FOXN3: variants seen among roughly 807,000 people sequenced by gnomAD.
FOXN3 encodes the protein forkhead box protein N3.
A neutral mutation model predicts 38.4 loss-of-function variants in FOXN3; 7 were observed. The observed-to-expected ratio is 0.18, with a 90% CI of 0.10 to 0.34. FOXN3 has a LOEUF of 0.34. Among genes scored for constraint, FOXN3 ranks in the 10% least tolerant of loss-of-function variants. The probability of loss-of-function intolerance (pLI) is 1.00; values close to 1 mark genes in which losing one functional copy is unlikely to be tolerated. For synonymous variants in FOXN3, 230 were observed against 242.2 expected, an observed-to-expected ratio of 0.95 and a Z score of 0.47; for missense variants, 456 against 613.4, an observed-to-expected ratio of 0.74 and a Z score of 2.71.
At chr14:89,391,920 T>C (rs1274515962) in intron 2 of FOXN3, among the ~76,000 whole-genome samples, 4 of 152,040 alleles carry the variant, frequency 2.6e-5, no homozygotes, top group Non-Finnish European at 5.9e-5. Flanking sequence ...GGCGGGAGAA[T>C]TGCTTGAACC....
rs1893972204 is a variant in FOXN3, at chr14:89,507,591, A to G, written c.-14-95101T>C. Reference sequence around the variant, plus strand: ...AAAGAGATCAACCCTAACTTTATTTAGGTCATGCTGCTGCCATACACAAAC... The same window carrying G: ...AAAGAGATCAACCCTAACTTTATTTGGGTCATGCTGCTGCCATACACAAAC... On this transcript the variant is annotated intron_variant, in intron 1 of 6. Transcript: ENST00000345097. Among the ~76,000 whole-genome samples, 4 of 152,214 alleles carry G rather than the reference A, an allele frequency of 2.6e-5. No homozygotes were observed. The South Asian group carries it at 8.3e-4, about 31-fold the overall frequency.
At chr14:89,177,148 C>T (rs1887543836) in intron 5 of FOXN3, among the ~76,000 whole-genome samples, 1 of 151,888 alleles carries the variant, frequency 6.6e-6, no homozygotes, top group Non-Finnish European at 1.5e-5. Context: ...GTAGCTGGGA[C>T]TGCAGGCACA....
At chr14:89,310,152 C>T (rs143845413) in intron 3 of FOXN3, among the ~76,000 whole-genome samples, 4 of 152,336 alleles carry the variant, frequency 2.6e-5, no homozygotes, top group African/African-American at 9.6e-5. Context: ...AAAATGTACA[C>T]CATCCTCTGC....
At position 89,506,689 on chromosome 14, in the gene FOXN3, G is replaced by A. The variant is rs1277427712; in HGVS notation, c.-14-94199C>T. 2.6e-5 allele frequency among the ~76,000 whole-genome samples: 4 copies of A among 152,250 alleles called. No individual in the cohort carries two copies. The East Asian group carries it at 5.8e-4, about 22-fold the overall frequency. On this transcript the variant is annotated intron_variant, in intron 1 of 6. Coordinates refer to the FOXN3 transcript ENST00000345097. ...GCGGTTTTGTGGAATAGAAAGGCGG[G>A]AAAGGTGGGGAAAAGATTGAGAAAT...
chr14:89,412,088 G>A lies in FOXN3; in HGVS notation c.389C>T (p.Ser130Phe). Residue 130 changes from serine to phenylalanine, a missense_variant, in exon 2 of 6, where the codon TCT (serine) becomes TTT (phenylalanine). Around this residue, in one of 3 missense-constraint regions of FOXN3, gnomAD observed 386 missense variants for 505.2 expected, o/e 0.76. Coordinates refer to ENST00000557258, the MANE Select transcript of FOXN3 (RefSeq NM_005197.4). The surrounding 1 kb of genome is among the most constrained non-coding windows in gnomAD (Gnocchi z 4.7). ...SCLIFMAIED[S>F]PTKRLPVKDI... ...CTTCACTGGCAGGCGCTTGGTTGGA[G>A]AGTCCTCGATGGCCATAAATATGAG... 1.9e-6 allele frequency: 3 copies of A among 1,613,298 alleles called. No individual in the cohort carries two copies. The highest frequency in any genetic ancestry group is 2.5e-6 in the Non-Finnish European group (3 of 1,179,732).
intron 4 of FOXN3, among the ~76,000 whole-genome samples, chr14:89,251,479 T>C (rs996108398): frequency 6.6e-5 from 10 of 152,226 alleles, no homozygotes; most frequent in African/African-American, 2.4e-4. Context: ...CTCAGTTAAA[T>C]GTCTATAAAC....
intron 1 of FOXN3, among the ~76,000 whole-genome samples, chr14:89,546,192 T>C (rs1224514856): frequency 1.3e-5 from 2 of 152,144 alleles, no homozygotes; most frequent in South Asian, 4.1e-4. Flanking sequence ...TTACCCTTTG[T>C]ATGGGAGTGC....
At chr14:89,322,912 C>T (rs1161867396) in intron 3 of FOXN3, among the ~76,000 whole-genome samples, 3 of 152,096 alleles carry the variant, frequency 2.0e-5, no homozygotes, top group African/African-American at 7.2e-5. Context: ...TCCCCGCTCT[C>T]AAGGAATTTA....
In FOXN3 at chr14:89,370,730, C is replaced by T. The variant is rs571705758; in HGVS notation, c.544-19922G>A. Among the ~76,000 whole-genome samples, 3 of 152,336 alleles carry T rather than the reference C, an allele frequency of 2.0e-5. No homozygotes were observed. In the East Asian group the frequency reaches 5.8e-4, roughly 29 times the overall value. ...AGTGTCATTCTTCTGGAATTATCTACACTGGATTTGTTTGGCAAAACACAC... is the reference window on the plus strand; with the variant it reads ...AGTGTCATTCTTCTGGAATTATCTATACTGGATTTGTTTGGCAAAACACAC... On this transcript the variant is annotated intron_variant, in intron 2 of 5. Coordinates refer to ENST00000557258, the MANE Select transcript of FOXN3 (RefSeq NM_005197.4).
intron 1 of FOXN3, among the ~76,000 whole-genome samples, 184 bp downstream of exon 1, chr14:89,416,687 G>A (rs1334350177): frequency 6.6e-6 from 1 of 152,104 alleles, no homozygotes; most frequent in East Asian, 2.0e-4. Flanking sequence ...AAACTCTTCG[G>A]ACCCGGCAAC....
At chr14:89,611,749 T>G (rs1215950916) in intron 1 of FOXN3, among the ~76,000 whole-genome samples, 1 of 140,162 alleles carries the variant, frequency 7.1e-6, no homozygotes, top group South Asian at 2.2e-4. Context: ...GAGCTTGCAG[T>G]GAGCCGAGAT....
chr14:89,329,857 A>C (rs1185357101), intron 3 of FOXN3, among the ~76,000 whole-genome samples: 9 of 30,496 alleles, frequency 3.0e-4, no homozygotes, highest in Admixed American at 2.1e-3. Flanking sequence ...CTCAGTCTCA[A>C]AAAAAAAAAA....
rs185599315 is a variant in FOXN3 at position 89,440,749 on chromosome 14, C to T, written c.-14-28259G>A. 3.1e-3 allele frequency among the ~76,000 whole-genome samples: 468 copies of T among 152,310 alleles called. 3 individuals are homozygous for T. Among genetic ancestry groups the T allele is most frequent in the African/African-American group, 0.011 (452 of 41,560 alleles). On this transcript the variant is annotated intron_variant, in intron 1 of 6. Transcript: ENST00000345097. ...CCTGCACCCAGGTGAAATAAACAGC[C>T]TTGTTGCTCACACAAAGCCTGTTTG...
chr14:89,512,420 G>A (rs927090489), intron 1 of FOXN3, among the ~76,000 whole-genome samples: 3 of 152,226 alleles, frequency 2.0e-5, no homozygotes, highest in African/African-American at 7.2e-5. Context: ...AGTAAATTGT[G>A]GAGATTGGAC....
chr14:89,437,659 G>A (rs1348555772), intron 1 of FOXN3, among the ~76,000 whole-genome samples: 1 of 152,190 alleles, frequency 6.6e-6, no homozygotes, highest in East Asian at 1.9e-4. Context: ...AAGAAGGGGA[G>A]GCATGAATAA....
chr14:89,492,331 A>C (rs985909336), intron 1 of FOXN3, among the ~76,000 whole-genome samples: 1 of 152,156 alleles, frequency 6.6e-6, no homozygotes, highest in East Asian at 1.9e-4. Flanking sequence ...ATGGGGACAG[A>C]GGTCTGCCCT....
intron 5 of FOXN3, among the ~76,000 whole-genome samples, chr14:89,167,824 G>C (rs970851861): frequency 6.6e-6 from 1 of 152,212 alleles, no homozygotes; most frequent in African/African-American, 2.4e-5. Context: ...GAAAGCCAAA[G>C]TTTCTCTATA....
At chr14:89,204,169 C>T (rs532436635) in intron 4 of FOXN3, among the ~76,000 whole-genome samples, 1 of 151,890 alleles carries the variant, frequency 6.6e-6, no homozygotes, top group Admixed American at 6.6e-5. Flanking sequence ...GAGCTTCAGG[C>T]ACAAAGAGGA....
chr14:89,574,558 GC>G (rs1033054705), intron 1 of FOXN3, among the ~76,000 whole-genome samples: 1 of 152,048 alleles, frequency 6.6e-6, no homozygotes, highest in Non-Finnish European at 1.5e-5. Flanking sequence ...TCCCAGCTCT[GC>G]CCCCTGCCAA....
Sources: gnomAD v4.1 joint callset for allele counts (sites outside exome capture counted in the v4.1 genomes callset) on GRCh38, gnomAD v4.1.1 for gene constraint, gnomAD v4.1.1 regional missense constraint, Gnocchi (gnomAD v3.1) non-coding constraint, MANE v1.5 for transcripts, NCBI Gene and HGNC (gene_info 2026-07-23, HGNC 2026-07-21) for gene names.